The following ZNF518B variants were observed in gnomAD, a reference collection of about 807,000 sequenced individuals.
ZNF518B encodes the protein zinc finger protein 518B.
In ZNF518B, 23 loss-of-function variants were observed where a neutral mutation model predicts 56.3. The observed-to-expected ratio is 0.41, with a 90% CI of 0.29 to 0.58. The LOEUF (loss-of-function observed/expected upper bound fraction) is 0.58, where lower values mean the gene tolerates loss of function less well. ZNF518B is among the 20% of genes least tolerant of loss of function. The pLI is 0.32. For synonymous variants in ZNF518B, 529 were observed against 465.9 expected (o/e 1.14, Z -1.74); for missense variants, 1,460 against 1,272.1 (o/e 1.15, Z -2.25).
rs1294734062 is a variant in ZNF518B, at chr4:10,443,504, G to A, written c.2825C>T (p.Pro942Leu). ...ATCAGGGTGGTTTAACACAATGACT[G>A]GCTGGTTCCGACGGGGACACTTAAT... ...QLIKCPRRNQ[P>L]VIVLNHPDVD... The change falls in exon 3 of 3, where the codon CCA (proline) becomes CTA (leucine). Residue 942 changes from proline to leucine, a missense_variant. Coordinates refer to ENST00000326756, the MANE Select transcript of ZNF518B (RefSeq NM_053042.3). The A allele has an allele frequency of 6.2e-7, 1 of 1,613,928 alleles. No homozygotes were observed. Among genetic ancestry groups the A allele is most frequent in the African/African-American group, 1.3e-5 (1 of 75,060 alleles).
At chr4:10,460,828 G>T (rs967224440), upstream of ZNF518B, among the ~76,000 whole-genome samples, 3 of 152,160 alleles carry the variant, frequency 2.0e-5, no homozygotes, top group Non-Finnish European at 1.5e-5. Flanking sequence ...ACTGTCCATT[G>T]GAAAAGGGCC....
chr4:10,449,073 G>A (rs1715192248), intron 2 of ZNF518B, among the ~76,000 whole-genome samples: 1 of 152,194 alleles, frequency 6.6e-6, no homozygotes, highest in Non-Finnish European at 1.5e-5. Flanking sequence ...ATATAGTCAT[G>A]TCAACATTGT....
At chr4:10,451,324 A>C (rs1412404094) in intron 2 of ZNF518B, 3 of 152,230 alleles carry the variant, frequency 2.0e-5, no homozygotes, top group Admixed American at 1.3e-4. Context: ...TGCTCAATAA[A>C]ATTTGAAGAG....
chr4:10,460,309 AAAAAAAAAAAAAAACC>A (rs1184818650), upstream of ZNF518B, among the ~76,000 whole-genome samples: 29 of 91,110 alleles, frequency 3.2e-4, 1 homozygote, highest in South Asian at 6.2e-3. Context: ...TGTCTCAAAA[AAAAAAAAAAAAAAACC>A]AAAAAAAAAA....
chr4:10,456,367 A>C (rs1392787288), intron 1 of ZNF518B, among the ~76,000 whole-genome samples: 2 of 152,014 alleles, frequency 1.3e-5, no homozygotes, highest in Non-Finnish European at 2.9e-5. Context: ...TGAACCCTGC[A>C]ATTTCTTGGC....
chr4:10,449,170 T>TA (rs1715197547), intron 2 of ZNF518B, among the ~76,000 whole-genome samples: 1 of 152,174 alleles, frequency 6.6e-6, no homozygotes, highest in South Asian at 2.1e-4. Context: ...AGACTGGTGA[T>TA]AAGGGGGATC....
At chr4:10,454,098 G>A in intron 2 of ZNF518B, 1 of 152,218 alleles carries the variant, frequency 6.6e-6, no homozygotes, top group Admixed American at 6.5e-5. Context: ...ACAGGTGCAG[G>A]TGCACTTGGG....
intron 1 of ZNF518B, among the ~76,000 whole-genome samples, chr4:10,455,907 A>T (rs1715506060): frequency 6.6e-6 from 1 of 152,250 alleles, no homozygotes; most frequent in Non-Finnish European, 1.5e-5. Flanking sequence ...ACAACAGTAT[A>T]TAACATTGGT....
At chr4:10,454,199 C>T (rs1715437942) in intron 2 of ZNF518B, 1 of 152,232 alleles carries the variant, frequency 6.6e-6, no homozygotes, top group Non-Finnish European at 1.5e-5. Flanking sequence ...CCTGGGCTGT[C>T]ATGGGGCAAA....
At chr4:10,455,622 T>TA (rs1553836868) in intron 1 of ZNF518B, among the ~76,000 whole-genome samples, 4,410 of 152,304 alleles carry the variant, frequency 0.029, 98 homozygotes, top group Non-Finnish European at 0.048. Flanking sequence ...TGGATTTTTT[T>TA]AATTGCCATT....
Position 10,445,377 on chromosome 4 carries a change from G to A in ZNF518B, c.952C>T (p.Pro318Ser), listed in dbSNP as rs369003345. ...CCTGGCTGAACAGGTTCTTTTGCAG[G>A]GGATAACACTTCTACTTCAACATTT... ...NKNVEVEVLSPAKEPVQPGMP... is the reference protein window; with the variant it reads ...NKNVEVEVLSSAKEPVQPGMP... The change falls in exon 3 of 3, where the codon CCT becomes TCT. Residue 318 changes from proline to serine, a missense_variant. Coordinates refer to ENST00000326756, the MANE Select transcript of ZNF518B (RefSeq NM_053042.3). The A allele has an allele frequency of 3.1e-6, 5 of 1,614,050 alleles. No individual in the cohort carries two copies. Among genetic ancestry groups the A allele is most frequent in the Non-Finnish European group, 4.2e-6 (5 of 1,180,040 alleles).
chr4:10,452,169 G>A lies in ZNF518B; in HGVS notation c.-212+2636C>T, dbSNP rs147588099. 23 of 152,334 alleles carry A rather than the reference G, an allele frequency of 1.5e-4. No individual in the cohort carries two copies. The East Asian group carries it at 4.2e-3, about 28-fold the overall frequency. The allele number at this position is 152,334 out of a possible 1,614,324, so 9.4% of individuals were successfully genotyped here. On this transcript the variant is annotated intron_variant, in intron 2 of 2. Transcript: ENST00000326756. ...AGGGTATAGCTGCTGTACCCATGAAGATCACATGAAATGGAGTGGCAGGGT... is the reference window on the plus strand; with the variant it reads ...AGGGTATAGCTGCTGTACCCATGAAAATCACATGAAATGGAGTGGCAGGGT...
Position 10,444,182 on chromosome 4 carries a change from C to A in ZNF518B, c.2147G>T (p.Gly716Val). ...GIQEINVSLT[G>V]LGHSTGTLQK... ...AAGAGTACCTGTGGAATGGCCAAGA[C>A]CAGTGAGTGACACGTTGATTTCTTG... Residue 716 changes from glycine (G) to valine (V), a missense_variant, in exon 3 of 3, where the codon GGT becomes GTT. Transcript: ENST00000326756. 6.2e-7 allele frequency: 1 copy of A among 1,614,204 alleles called. No individual in the cohort carries two copies. The highest frequency in any genetic ancestry group is 8.5e-7 in the Non-Finnish European group (1 of 1,180,030).
rs1185771884 is a variant in ZNF518B at position 10,444,357 on chromosome 4, T to C, written c.1972A>G (p.Lys658Glu). 1.9e-6 allele frequency: 3 copies of C among 1,614,208 alleles called. No homozygotes were observed. The highest frequency in any genetic ancestry group is 1.7e-6 in the Non-Finnish European group (2 of 1,180,034). The change falls in exon 3 of 3, where the codon AAA (lysine) becomes GAA (glutamate). Residue 658 changes from lysine to glutamate, a missense_variant. By Grantham distance (56) the Lys-to-Glu change is moderately conservative. Coordinates refer to ENST00000326756, the MANE Select transcript of ZNF518B (RefSeq NM_053042.3). ...EGIKWNSSTSKIKSIELLRRK... is the reference protein window; with the variant it reads ...EGIKWNSSTSEIKSIELLRRK... ...CGCAACAGTTCAATTGACTTTATTT[T>C]AGACGTTGAGCTATTCCACTTAATG... is the stretch of plus-strand genomic sequence containing the variant.
chr4:10,456,572 C>T (rs1715538741), intron 1 of ZNF518B, among the ~76,000 whole-genome samples: 1 of 152,184 alleles, frequency 6.6e-6, no homozygotes, highest in African/African-American at 2.4e-5. Context: ...CAAGGAAAGA[C>T]AATGCCAGGC....
intron 2 of ZNF518B, among the ~76,000 whole-genome samples, chr4:10,448,660 G>A (rs1243335712): frequency 6.6e-6 from 1 of 151,938 alleles, no homozygotes; most frequent in Admixed American, 6.6e-5. Context: ...GTTGCAGTGG[G>A]GGGCTGGAGA....
chr4:10,455,809 GA>G (rs1244753861), intron 1 of ZNF518B, among the ~76,000 whole-genome samples: 1 of 152,180 alleles, frequency 6.6e-6, no homozygotes, highest in Non-Finnish European at 1.5e-5. Context: ...GATCCAAGAT[GA>G]AAGTAACTTT....
chr4:10,453,543 G>C (rs1171737574), intron 2 of ZNF518B: 1 of 147,528 alleles, frequency 6.8e-6, no homozygotes, highest in Non-Finnish European at 1.5e-5. Flanking sequence ...TAGAGTGCTT[G>C]ATGTCTAAAA....
At position 10,445,737 on chromosome 4, in the gene ZNF518B, C is replaced by T; in HGVS notation, c.592G>A (p.Gly198Ser). The T allele has an allele frequency of 1.2e-6, 2 of 1,614,166 alleles. No individual in the cohort carries two copies. The highest frequency in any genetic ancestry group is 1.1e-5 in the South Asian group (1 of 91,084). Residue 198 changes from glycine (G) to serine (S), a missense_variant, in exon 3 of 3, where the codon GGT (glycine) becomes AGT (serine). Physicochemically the swap from Gly to Ser is moderately conservative, Grantham distance 56 (BLOSUM62 0). Coordinates refer to ENST00000326756, the MANE Select transcript of ZNF518B (RefSeq NM_053042.3). ...FPYQCEYCDYGAIRNDYIVKH... is the reference protein window; with the variant it reads ...FPYQCEYCDYSAIRNDYIVKH... ...ACAATATAATCATTTCTAATAGCAC[C>T]ATAGTCACAATACTCACACTGATAA...
Sources: gnomAD v4.1 joint callset for allele counts (sites outside exome capture counted in the v4.1 genomes callset) on GRCh38, gnomAD v4.1.1 for gene constraint, MANE v1.5 for transcripts, NCBI Gene and HGNC (gene_info 2026-07-23, HGNC 2026-07-21) for gene names.